Variants in HSPA12A observed in about 807,000 individuals in gnomAD.
HSPA12A encodes the protein heat shock protein family A (Hsp70) member 12A.
A neutral mutation model predicts 69.2 loss-of-function variants in HSPA12A; 28 were observed. The ratio of observed to expected loss-of-function variants is 0.40; its 90% CI spans 0.30 to 0.55. The LOEUF is 0.55. HSPA12A is among the 20% of genes least tolerant of loss of function. The pLI, the probability that HSPA12A is intolerant of heterozygous loss-of-function variation, is 0.38. For missense variants in HSPA12A, 686 were observed against 900.7 expected (o/e 0.76, Z 3.05); for synonymous variants, 345 against 370.5 (o/e 0.93, Z 0.79).
chr10:116,742,663 C>T (rs1189361680), upstream of HSPA12A: 55 of 948,640 alleles, frequency 5.8e-5, no homozygotes, highest in East Asian at 1.0e-4. Context: ...CGCCCCGCCC[C>T]TCCGAGCTCG....
intron 2 of HSPA12A, 114 bp from the exon 3 acceptor site, chr10:116,705,392 C>CATTCT (rs1850212870): frequency 8.1e-7 from 1 of 1,235,456 alleles, no homozygotes; most frequent in Non-Finnish European, 1.2e-6. Flanking sequence ...GACAGAAAGA[C>CATTCT]ATTCTATATT....
chr10:116,686,404 T>G lies in HSPA12A; in HGVS notation c.664-2442A>C, dbSNP rs1413411238. Among the ~76,000 whole-genome samples the G allele has an allele frequency of 1.3e-5, 2 of 151,926 alleles. No homozygotes were observed. Among genetic ancestry groups the G allele is most frequent in the African/African-American group, 2.4e-5 (1 of 41,328 alleles). Reference sequence around the variant, plus strand: ...AGGGGGAAGCTTCCACAAAACGGGGTGAGGAAGAAGGGACAACTTGCTGCA... The same window carrying G: ...AGGGGGAAGCTTCCACAAAACGGGGGGAGGAAGAAGGGACAACTTGCTGCA... On this transcript the variant is annotated intron_variant, in intron 6 of 11. Transcript: ENST00000369209. This position sits in a 1 kb window ranked among gnomAD's most constrained non-coding sequence, Gnocchi z 4.1.
At chr10:116,759,107 T>C (rs1554889061) in intron 2 of HSPA12A, among the ~76,000 whole-genome samples, 1 of 152,250 alleles carries the variant, frequency 6.6e-6, no homozygotes, top group Admixed American at 6.5e-5. Flanking sequence ...CATAGCTGTT[T>C]TCTCTTTGGT....
intron 6 of HSPA12A, among the ~76,000 whole-genome samples, chr10:116,690,343 A>G (rs1554880009): frequency 6.6e-6 from 1 of 152,206 alleles, no homozygotes; most frequent in Non-Finnish European, 1.5e-5. Context: ...AGTGCCTACC[A>G]CGGTCCTGAC....
intron 2 of HSPA12A, among the ~76,000 whole-genome samples, chr10:116,788,615 G>A (rs1320997831): frequency 6.6e-6 from 1 of 151,936 alleles, no homozygotes; most frequent in Non-Finnish European, 1.5e-5. Flanking sequence ...AGAGATACAT[G>A]CAAATGGATA....
intron 10 of HSPA12A, among the ~76,000 whole-genome samples, chr10:116,677,558 G>A (rs887858408): frequency 5.9e-5 from 9 of 152,178 alleles, no homozygotes; most frequent in Non-Finnish European, 1.5e-5. Flanking sequence ...CCTCTGTGGG[G>A]GACTAACGGG....
intron 2 of HSPA12A, among the ~76,000 whole-genome samples, chr10:116,764,047 G>A (rs1844027779): frequency 6.6e-6 from 1 of 152,060 alleles, no homozygotes; most frequent in South Asian, 2.1e-4. Flanking sequence ...TTAATGTCAG[G>A]ATTTATCCAG....
In HSPA12A at chr10:116,845,174, T is replaced by C. The variant is rs562313023; in HGVS notation, c.3+4392A>G. ...CACTGATGGCTTGCCCATAAATGTATCCCTTTTCATATGCATGAAATTTCC... is the reference window on the plus strand; with the variant it reads ...CACTGATGGCTTGCCCATAAATGTACCCCTTTTCATATGCATGAAATTTCC... On this transcript the variant is annotated intron_variant, in intron 1 of 12. Transcript: ENST00000635765. Among the ~76,000 whole-genome samples the C allele has an allele frequency of 7.2e-5, 11 of 152,282 alleles. No homozygotes were observed. The South Asian group carries it at 2.1e-3, about 29-fold the overall frequency.
At chr10:116,703,932 C>T (rs1850156313) in intron 3 of HSPA12A, among the ~76,000 whole-genome samples, 1 of 152,258 alleles carries the variant, frequency 6.6e-6, no homozygotes, top group Admixed American at 6.5e-5. Context: ...TGGCTACCAA[C>T]ACCCCAGCAC....
intron 1 of HSPA12A, among the ~76,000 whole-genome samples, chr10:116,727,170 T>C (rs569554474): frequency 6.6e-6 from 1 of 152,328 alleles, no homozygotes; most frequent in East Asian, 1.9e-4. Context: ...CTCCAAAATT[T>C]AGTGGGTTAA....
upstream of HSPA12A, among the ~76,000 whole-genome samples, chr10:116,744,793 G>A (rs1851613075): frequency 6.6e-6 from 1 of 152,236 alleles, no homozygotes; most frequent in African/African-American, 2.4e-5. Flanking sequence ...GCATTCAAAG[G>A]CTGAGGCACC....
intron 4 of HSPA12A, among the ~76,000 whole-genome samples, chr10:116,699,588 C>T (rs1250580453): frequency 1.3e-5 from 2 of 152,176 alleles, no homozygotes; most frequent in Non-Finnish European, 2.9e-5. Flanking sequence ...CTAAGCTAGC[C>T]ATGTGGAGCC....
intron 2 of HSPA12A, among the ~76,000 whole-genome samples, chr10:116,801,228 T>C (rs1227119546): frequency 1.3e-5 from 2 of 152,210 alleles, no homozygotes; most frequent in African/African-American, 2.4e-5. Flanking sequence ...TAAAAATACA[T>C]AGGCAGCACA....
chr10:116,681,192 C>A lies in HSPA12A; in HGVS notation c.987G>T (p.Arg329=), dbSNP rs1554878528. ...GTVDLTVHQI[R]LPEGHLKELY... is the part of the protein sequence containing the mutation. ...GTTCCTTAAGGTGTCCCTCCGGTAA[C>A]CGGATCTGATGGACTGTCAGGTCTA... The change falls in exon 9 of 12, where the codon CGG becomes CGT. Residue 329 remains arginine (R), a synonymous_variant. Transcript: ENST00000369209. 3 of 1,614,040 alleles carry A rather than the reference C, an allele frequency of 1.9e-6. No individual in the cohort carries two copies. The highest frequency in any genetic ancestry group is 2.5e-6 in the Non-Finnish European group (3 of 1,180,002).
upstream of HSPA12A, among the ~76,000 whole-genome samples, chr10:116,850,643 C>T (rs534186073): frequency 2.5e-4 from 38 of 151,958 alleles, no homozygotes; most frequent in African/African-American, 5.5e-4. Flanking sequence ...AAAACCACGT[C>T]GTATTGAGGC....
At chr10:116,829,760 T>C (rs1037544048) in intron 2 of HSPA12A, 2 of 152,214 alleles carry the variant, frequency 1.3e-5, no homozygotes, top group Non-Finnish European at 2.9e-5. Flanking sequence ...TTTTTCCCTC[T>C]ACAAGCAACA....
chr10:116,839,604 TAAAAAAAAA>T (rs59427633), intron 1 of HSPA12A, among the ~76,000 whole-genome samples: 2 of 59,134 alleles, frequency 3.4e-5, no homozygotes, highest in African/African-American at 1.2e-4. Flanking sequence ...ATGCCTACCG[TAAAAAAAAA>T]AAAAAAAAAA....
intron 2 of HSPA12A, among the ~76,000 whole-genome samples, chr10:116,803,526 C>T (rs1035829962): frequency 7.2e-5 from 11 of 152,198 alleles, no homozygotes; most frequent in African/African-American, 2.7e-4. Context: ...TCGCCCTCCC[C>T]TTTAAATCAA....
At chr10:116,736,680 C>T (rs1851325954) in intron 1 of HSPA12A, among the ~76,000 whole-genome samples, 1 of 152,042 alleles carries the variant, frequency 6.6e-6, no homozygotes, top group African/African-American at 2.4e-5. Context: ...GAAGGGGCCA[C>T]GATCCAAGGA....
Sources: gnomAD v4.1 joint callset for allele counts (sites outside exome capture counted in the v4.1 genomes callset) on GRCh38, gnomAD v4.1.1 for gene constraint, Gnocchi (gnomAD v3.1) non-coding constraint, MANE v1.5 for transcripts, NCBI Gene and HGNC (gene_info 2026-07-23, HGNC 2026-07-21) for gene names.